Variants in CCNL2 observed in about 807,000 individuals in gnomAD.
CCNL2 encodes cyclin L2.
Under a neutral mutation model 59.1 loss-of-function variants are expected in CCNL2, and 28 were observed. That is an observed-to-expected ratio of 0.47 (90% CI 0.35 to 0.65). The LOEUF (loss-of-function observed/expected upper bound fraction) is 0.65, where lower values mean the gene tolerates loss of function less well. CCNL2 is among the 30% of genes least tolerant of loss of function. CCNL2 has a pLI of 0.00. For missense variants in CCNL2, 714 were observed against 717.4 expected, an observed-to-expected ratio of 1.00 and a Z score of 0.05; for synonymous variants, 342 against 288.6, an observed-to-expected ratio of 1.19 and a Z score of -1.88.
intron 5 of CCNL2, 135 bp from the exon 6 acceptor site, chr1:1,391,000 G>C: frequency 1.2e-6 from 1 of 868,042 alleles, no homozygotes; most frequent in Non-Finnish European, 1.8e-6. Context: ...GAGCTAGACA[G>C]TCCTGTGAAT....
chr1:1,388,379 G>T (rs1258940206), intron 8 of CCNL2: 3 of 394,046 alleles, frequency 7.6e-6, no homozygotes, highest in Non-Finnish European at 1.5e-5. Flanking sequence ...AAATTAGCTG[G>T]GCTTGGTGGC....
At chr1:1,388,358 T>C (rs974212544) in intron 8 of CCNL2, 9 of 414,208 alleles carry the variant, frequency 2.2e-5, no homozygotes, top group East Asian at 1.7e-4. Flanking sequence ...CCATCTCTAC[T>C]AAAACTACAA....
intron 1 of CCNL2, 140 bp downstream of exon 1, chr1:1,398,879 G>C: frequency 4.3e-6 from 6 of 1,380,876 alleles, no homozygotes; most frequent in Non-Finnish European, 5.7e-6. Context: ...GCTGGCTAGG[G>C]AATGGCGCCG....
chr1:1,394,302 C>A (rs537177627), intron 4 of CCNL2, among the ~76,000 whole-genome samples: 2 of 152,090 alleles, frequency 1.3e-5, no homozygotes, highest in Non-Finnish European at 2.9e-5. Flanking sequence ...ACAGAAGGCA[C>A]CCACAACGCT....
At chr1:1,398,451 G>GA (rs956190592) in intron 2 of CCNL2, 109 bp from the exon 3 acceptor site, 216 of 1,556,464 alleles carry the variant, frequency 1.4e-4, no homozygotes, top group Admixed American at 3.2e-4. Flanking sequence ...GCACCCAGGG[G>GA]AAAAAAAAAG....
rs748363738 is a variant in CCNL2 at position 1,393,413 on chromosome 1, G to A, written c.642C>T (p.His214=). The A allele has an allele frequency of 4.3e-5, 70 of 1,613,930 alleles. No individual in the cohort carries two copies. Among genetic ancestry groups the A allele is most frequent in the Non-Finnish European group, 5.3e-5 (63 of 1,179,928 alleles). ...CAACTCACCATGAGGTCTGGACCAG[G>A]TGTTGGTTACGCTCACACTCTAACA... ...LQVLECERNQ[H]LVQTSWNYMN... is the part of the protein sequence containing the mutation. The change falls in exon 5 of 11, where the codon CAC becomes CAT. Residue 214 remains histidine, a synonymous_variant. Coordinates refer to ENST00000400809, the MANE Select transcript of CCNL2 (RefSeq NM_030937.6).
Position 1,390,748 on chromosome 1 carries a change from T to C in CCNL2, c.759+18A>G, listed in dbSNP as rs1644721681. On this transcript the variant is annotated intron_variant, in intron 6 of 10. Coordinates refer to ENST00000400809, the MANE Select transcript of CCNL2 (RefSeq NM_030937.6). ...AAAAAATCAGACTAGAATCTCTCCA[T>C]AGTAGCAACACACTGACCTCCAGCG... 8.7e-6 allele frequency: 14 copies of C among 1,607,638 alleles called. No homozygotes were observed. In the East Asian group the frequency reaches 1.6e-4, roughly 18 times the overall value.
At position 1,393,476 on chromosome 1, in the gene CCNL2, C is replaced by G; in HGVS notation, c.595-16G>C. ...TAACGATTATCTGGAAGATACGGGT[C>G]AGGCAGTTATTACCAAGAACCTTAA... On this transcript the variant is annotated splice_polypyrimidine_tract_variant and intron_variant, in intron 4 of 10. Transcript: ENST00000400809. 1.2e-6 allele frequency: 2 copies of G among 1,612,896 alleles called. No individual in the cohort carries two copies. The highest frequency in any genetic ancestry group is 1.7e-6 in the Non-Finnish European group (2 of 1,178,888).
Position 1,387,362 on chromosome 1 carries a change from C to T in CCNL2, c.1432G>A (p.Asp478Asn), listed in dbSNP as rs756441361. The T allele has an allele frequency of 3.0e-5, 48 of 1,614,102 alleles. No individual in the cohort carries two copies. In the African/African-American group the frequency reaches 6.1e-4, roughly 21 times the overall value. The change falls in exon 11 of 11, where the codon GAT (aspartate) becomes AAT (asparagine). Residue 478 changes from aspartate (D) to asparagine (N), a missense_variant. By Grantham distance (23) the Asp-to-Asn change is conservative (BLOSUM62 1). This residue lies in a region of CCNL2 where 403 missense variants were observed against 377.7 expected (regional missense o/e 1.07). Transcript: ENST00000400809. ...TTCTTCTTGTATTTTCCCGGATTAT[C>T]CGCCCGCTCCCGTGACCTGCTTCGA... ...RSRSRSRERA[D>N]NPGKYKKKSH... is the part of the protein sequence containing the mutation.
intron 3 of CCNL2, among the ~76,000 whole-genome samples, chr1:1,396,667 A>G (rs1396099372): frequency 2.9e-5 from 4 of 135,926 alleles, no homozygotes; most frequent in Admixed American, 2.3e-4. Context: ...TGCACCTCTA[A>G]CTCCCCGGTT....
rs1183757723 is a variant in CCNL2, at chr1:1,388,869, A to C, written c.1007-804T>G. On this transcript the variant is annotated intron_variant, in intron 8 of 10. Coordinates refer to ENST00000400809, the MANE Select transcript of CCNL2 (RefSeq NM_030937.6). ...GGCGGGCAGATCAACTGAGATCAGG[A>C]GTTCAAGACCAGTCTGACCAAAATG... 5 of 347,068 alleles carry C rather than the reference A, an allele frequency of 1.4e-5. No homozygotes were observed. In the East Asian group the frequency reaches 4.4e-4, roughly 30 times the overall value. 21.5% of individuals were successfully genotyped at this position (347,068 alleles called of 1,614,324 possible). A position where few individuals can be genotyped will look rare whatever the true frequency, so the allele number is the denominator to read the frequency against.
chr1:1,387,971 C>T lies in CCNL2; in HGVS notation c.1101G>A (p.Ala367=), dbSNP rs1451044838. The T allele has an allele frequency of 9.9e-6, 16 of 1,614,094 alleles. No individual in the cohort carries two copies. The highest frequency in any genetic ancestry group is 5.5e-5 in the South Asian group (5 of 91,090). ...GGTCCTACCCGTTCACGGGGCTGTCCGCCTTGGCTTTCTTGGCGCCCTCCA... is the reference window on the plus strand; with the variant it reads ...GGTCCTACCCGTTCACGGGGCTGTCTGCCTTGGCTTTCTTGGCGCCCTCCA... The part of the protein sequence containing the change: ...RRLEGAKKAK[A]DSPVNGLPKG... Residue 367 remains alanine (A), a synonymous_variant, in exon 9 of 11, where the codon GCG becomes GCA. Coordinates refer to ENST00000400809, the MANE Select transcript of CCNL2 (RefSeq NM_030937.6).
In CCNL2 at chr1:1,386,956, G is replaced by T; in HGVS notation, c.*275C>A. The T allele has an allele frequency of 2.6e-6, 1 of 390,474 alleles. No individual in the cohort carries two copies. The highest frequency in any genetic ancestry group is 4.6e-6 in the Non-Finnish European group (1 of 218,542). The allele number at this position is 390,474 out of a possible 1,614,324, so 24.2% of individuals were successfully genotyped here. A position where few individuals can be genotyped will look rare whatever the true frequency, so the allele number is the denominator to read the frequency against. On this transcript the variant is annotated 3_prime_UTR_variant, in exon 11 of 11. Coordinates refer to ENST00000400809, the MANE Select transcript of CCNL2 (RefSeq NM_030937.6). ...GCGTGTGCATTCACTTTTTCATTGA[G>T]CTGCCCTCAGAGCTGCTGCCGAGCT... is the stretch of plus-strand genomic sequence containing the variant.
Position 1,390,256 on chromosome 1 carries a change from G to C in CCNL2, c.980C>G (p.Ser327Trp). ...CAGCTTGGGGGCAGGAGAGAACCCC[G>C]AGGTACCATCCAGCACCTGTGTGCC... ...PGGTQVLDGT[S>W]GFSPAPKLVE... Residue 327 changes from serine to tryptophan, a missense_variant, in exon 8 of 11, where the codon TCG (serine) becomes TGG (tryptophan). By Grantham distance (177) the Ser-to-Trp change is radical. Coordinates refer to ENST00000400809, the MANE Select transcript of CCNL2 (RefSeq NM_030937.6). 6.2e-7 allele frequency: 1 copy of C among 1,611,932 alleles called. No homozygotes were observed. Among genetic ancestry groups the C allele is most frequent in the Non-Finnish European group, 8.5e-7 (1 of 1,178,282 alleles).
At chr1:1,393,584 C>G (rs775457360) in intron 4 of CCNL2, 124 bp from the exon 5 acceptor site, 2 of 811,026 alleles carry the variant, frequency 2.5e-6, no homozygotes, top group Non-Finnish European at 4.1e-6. Flanking sequence ...CCTGGCCACA[C>G]GTCTGGCGGA....
In CCNL2 at chr1:1,388,067, T is replaced by C. The variant is rs1391384811; in HGVS notation, c.1007-2A>G. ...CTTTACCTTCTTTGGGGGATTCCACTAGAATCAGAACAAGAGGTTAAAAGC... is the reference window on the plus strand; with the variant it reads ...CTTTACCTTCTTTGGGGGATTCCACCAGAATCAGAACAAGAGGTTAAAAGC... On this transcript the variant is annotated splice_acceptor_variant, in intron 8 of 10. Coordinates refer to ENST00000400809, the MANE Select transcript of CCNL2 (RefSeq NM_030937.6). LOFTEE classifies it high-confidence loss of function. 1 of 1,610,020 alleles carries C rather than the reference T, an allele frequency of 6.2e-7. No individual in the cohort carries two copies. Among genetic ancestry groups the C allele is most frequent in the Non-Finnish European group, 8.5e-7 (1 of 1,176,640 alleles).
chr1:1,398,678 T>C lies in CCNL2; in HGVS notation c.289-7A>G. On this transcript the variant is annotated splice_region_variant and splice_polypyrimidine_tract_variant and intron_variant, in intron 1 of 10. Coordinates refer to ENST00000400809, the MANE Select transcript of CCNL2 (RefSeq NM_030937.6). ...GCCCGGTAGCCATGGCCACCTAGAG[T>C]AGAAGAAAGTTTCCGTATTTTCAAA... 2 of 1,564,456 alleles carry C rather than the reference T, an allele frequency of 1.3e-6. No individual in the cohort carries two copies. Among genetic ancestry groups the C allele is most frequent in the South Asian group, 1.1e-5 (1 of 88,312 alleles).
At chr1:1,388,771 A>AG (rs1288990810) in intron 8 of CCNL2, 8 of 302,348 alleles carry the variant, frequency 2.6e-5, no homozygotes, top group Non-Finnish European at 4.4e-5. Context: ...ACTCCGTCTC[A>AG]GAAAAAAAAA....
chr1:1,396,571 G>GTTTTTT (rs1175846044), intron 3 of CCNL2, among the ~76,000 whole-genome samples: 1 of 69,656 alleles, frequency 1.4e-5, no homozygotes. Context: ...CGGCAAGGCT[G>GTTTTTT]TTTTTTTTTT....
Sources: allele counts gnomAD v4.1 joint callset (sites outside exome capture counted in the v4.1 genomes callset), GRCh38; gene constraint gnomAD v4.1.1; regional missense constraint gnomAD v4.1.1; transcripts MANE v1.5; gene names NCBI Gene and HGNC (gene_info 2026-07-23, HGNC 2026-07-21).